CCSER1: variants seen among roughly 807,000 people sequenced by gnomAD.
CCSER1 encodes coiled-coil serine rich protein 1.
In CCSER1, 41 loss-of-function variants were observed where a neutral mutation model predicts 82.0. The ratio of observed to expected loss-of-function variants is 0.50; its 90% CI spans 0.39 to 0.65. The LOEUF (loss-of-function observed/expected upper bound fraction) is 0.65. CCSER1 is among the 30% of genes least tolerant of loss of function. The pLI is 0.00. For synonymous variants in CCSER1, 414 were observed against 383.9 expected (o/e 1.08, Z -0.92); for missense variants, 1,119 against 1,064.2 (o/e 1.05, Z -0.72).
At chr4:91,203,192 C>A (rs987018394) in intron 10 of CCSER1, among the ~76,000 whole-genome samples, 1 of 151,894 alleles carries the variant, frequency 6.6e-6, no homozygotes, top group African/African-American at 2.4e-5. Flanking sequence ...CCCATTCTAA[C>A]TGGTGTGAGA....
At chr4:90,944,907 C>T (rs544229972) in intron 9 of CCSER1, among the ~76,000 whole-genome samples, 1 of 152,264 alleles carries the variant, frequency 6.6e-6, no homozygotes, top group East Asian at 1.9e-4. Flanking sequence ...TGATATACAC[C>T]ATTGACATGA....
At chr4:90,397,126 C>G (rs1040444576) in intron 3 of CCSER1, among the ~76,000 whole-genome samples, 1 of 152,142 alleles carries the variant, frequency 6.6e-6, no homozygotes, top group Non-Finnish European at 1.5e-5. Flanking sequence ...TCTACAGTAA[C>G]AAGAAAGTTG....
chr4:90,782,363 T>C (rs1032791249), intron 7 of CCSER1, among the ~76,000 whole-genome samples: 1 of 152,184 alleles, frequency 6.6e-6, no homozygotes, highest in Admixed American at 6.5e-5. Flanking sequence ...ACTCCTTCTC[T>C]GTGAAAATTA....
chr4:91,184,046 G>A (rs935821464), intron 10 of CCSER1, among the ~76,000 whole-genome samples: 3 of 152,192 alleles, frequency 2.0e-5, no homozygotes, highest in Admixed American at 2.0e-4. Flanking sequence ...AGTAAGGAGT[G>A]CAGCAGTATG....
chr4:91,196,974 A>G (rs558412664), intron 10 of CCSER1, among the ~76,000 whole-genome samples: 32 of 152,288 alleles, frequency 2.1e-4, no homozygotes, highest in Admixed American at 7.8e-4. Context: ...AGAGAAATCT[A>G]CTCCTACAAT....
At chr4:91,483,230 C>G (rs1208989391) in intron 10 of CCSER1, among the ~76,000 whole-genome samples, 2 of 151,784 alleles carry the variant, frequency 1.3e-5, no homozygotes, top group African/African-American at 4.8e-5. Flanking sequence ...GGCAAAGATG[C>G]TGATGGTACA....
intron 5 of CCSER1, among the ~76,000 whole-genome samples, chr4:90,566,735 T>A (rs1779434029): frequency 6.6e-6 from 1 of 151,870 alleles, no homozygotes; most frequent in Non-Finnish European, 1.5e-5. Flanking sequence ...CCCGAATAGC[T>A]GGGACTACAG....
At chr4:90,589,125 A>C (rs190993161) in intron 5 of CCSER1, among the ~76,000 whole-genome samples, 167 of 152,310 alleles carry the variant, frequency 1.1e-3, no homozygotes, top group Middle Eastern at 6.8e-3. Flanking sequence ...CAGATGAATT[A>C]ATTTATACAA....
At chr4:91,555,402 C>G (rs933131411) in intron 10 of CCSER1, among the ~76,000 whole-genome samples, 3 of 151,020 alleles carry the variant, frequency 2.0e-5, no homozygotes, top group African/African-American at 4.9e-5. Flanking sequence ...TATACTGTGA[C>G]TAGTATCAAC....
chr4:91,034,614 G>A (rs1449393614), intron 9 of CCSER1, among the ~76,000 whole-genome samples: 1 of 152,026 alleles, frequency 6.6e-6, no homozygotes, highest in Non-Finnish European at 1.5e-5. Context: ...ATGAGCCTTG[G>A]CCATGGAATA....
chr4:90,775,158 A>C (rs1752731102), intron 7 of CCSER1, among the ~76,000 whole-genome samples: 1 of 152,136 alleles, frequency 6.6e-6, no homozygotes, highest in African/African-American at 2.4e-5. Flanking sequence ...TAACCCTCTC[A>C]CATATCCTCC....
chr4:90,375,843 A>T (rs10000741), intron 3 of CCSER1, among the ~76,000 whole-genome samples: 55,105 of 151,616 alleles, frequency 0.36, 10,468 homozygotes, highest in African/African-American at 0.47. Context: ...TGGACTGATT[A>T]ACCTGAGGCA....
At chr4:90,636,095 C>T (rs966508847) in intron 6 of CCSER1, among the ~76,000 whole-genome samples, 12 of 151,602 alleles carry the variant, frequency 7.9e-5, no homozygotes, top group African/African-American at 2.9e-4. Flanking sequence ...ATACTAGTGC[C>T]AGCAATGAAT....
chr4:90,930,910 TTATATA>T lies in CCSER1; in HGVS notation c.2172+7488_2172+7493del, dbSNP rs70963098. 4.6e-3 allele frequency among the ~76,000 whole-genome samples: 503 copies of T among 109,640 alleles called. 9 individuals carry two copies. The highest frequency in any genetic ancestry group is 8.4e-3 in the Admixed American group (88 of 10,422). 71.9% of individuals were successfully genotyped at this position (109,640 alleles called of 152,430 possible). On this transcript the variant is annotated intron_variant, in intron 9 of 10. Coordinates refer to ENST00000509176, the MANE Select transcript of CCSER1 (RefSeq NM_001145065.2). ...TTGCAAAAGGAAATTTATCCTTATT[TTATATA>T]TATATATATATATATATATATATAC... is the stretch of plus-strand genomic sequence containing the variant.
At chr4:91,264,359 A>C in intron 10 of CCSER1, among the ~76,000 whole-genome samples, 1 of 151,806 alleles carries the variant, frequency 6.6e-6, no homozygotes. Flanking sequence ...GGTACTTCAT[A>C]ATCTTTCTCA....
At chr4:91,594,176 A>T (rs1186526098) in intron 10 of CCSER1, among the ~76,000 whole-genome samples, 1 of 151,862 alleles carries the variant, frequency 6.6e-6, no homozygotes, top group African/African-American at 2.4e-5. Flanking sequence ...ATGCATTAAA[A>T]TTACCTTCAG....
chr4:91,406,531 T>C (rs1752714157), intron 10 of CCSER1, among the ~76,000 whole-genome samples: 1 of 152,216 alleles, frequency 6.6e-6, no homozygotes, highest in African/African-American at 2.4e-5. Flanking sequence ...CATCTGTTTG[T>C]AAATAAGCAG....
chr4:90,408,073 A>C (rs1231479601), intron 4 of CCSER1, among the ~76,000 whole-genome samples: 1 of 152,208 alleles, frequency 6.6e-6, no homozygotes, highest in South Asian at 2.1e-4. Flanking sequence ...GCAAGGCAGC[A>C]GCAAGGCTGG....
intron 10 of CCSER1, among the ~76,000 whole-genome samples, chr4:91,434,049 T>A (rs757464279): frequency 3.9e-5 from 6 of 152,198 alleles, no homozygotes; most frequent in Non-Finnish European, 7.3e-5. Flanking sequence ...GAGGGCGACT[T>A]CTGGAGGGAG....
Sources: allele counts gnomAD v4.1 joint callset (sites outside exome capture counted in the v4.1 genomes callset), GRCh38; gene constraint gnomAD v4.1.1; transcripts MANE v1.5; gene names NCBI Gene and HGNC (gene_info 2026-07-23, HGNC 2026-07-21).